Variants in KHDRBS3 observed in about 807,000 individuals in gnomAD.
KHDRBS3 encodes the protein KH domain-containing, RNA-binding, signal transduction-associated protein 3.
KHDRBS3 carries 23 observed loss-of-function variants against 45.6 expected under a neutral mutation model. The observed-to-expected ratio is 0.50, with a 90% CI of 0.36 to 0.72. The LOEUF is 0.72. Among genes scored for constraint, KHDRBS3 ranks in the 30% least tolerant of loss-of-function variants. KHDRBS3 has a pLI of 0.00. For synonymous variants in KHDRBS3, 162 were observed against 156.5 expected, an observed-to-expected ratio of 1.04 and a Z score of -0.26; for missense variants, 352 against 424.8, an observed-to-expected ratio of 0.83 and a Z score of 1.51.
In KHDRBS3 at chr8:135,538,075, CT is replaced by C. The variant is rs570361214; in HGVS notation, c.208-4576del. On this transcript the variant is annotated intron_variant, in intron 2 of 8. Transcript: ENST00000355849. ...ATCTCAGAAGTCAGGCAGAAAAAGG[CT>C]TTCCTTTCATGAGTGAAGTGATTGA... Among the ~76,000 whole-genome samples, 11 of 152,234 alleles carry C rather than the reference CT, an allele frequency of 7.2e-5. No homozygotes were observed. In the South Asian group the frequency reaches 1.9e-3, roughly 26 times the overall value.
At chr8:135,592,369 C>A (rs1828785578) in intron 6 of KHDRBS3, among the ~76,000 whole-genome samples, 1 of 152,078 alleles carries the variant, frequency 6.6e-6, no homozygotes, top group Non-Finnish European at 1.5e-5. Context: ...CATAATTAGG[C>A]TTGCCCGTCC....
At chr8:135,549,016 T>C in intron 4 of KHDRBS3, 116 bp downstream of exon 4, 3 of 605,678 alleles carry the variant, frequency 5.0e-6, no homozygotes, top group African/African-American at 1.9e-5. Context: ...TAAAGCTGTA[T>C]GGACATCACC....
chr8:135,650,916 A>C (rs2131218564), downstream of KHDRBS3, among the ~76,000 whole-genome samples: 1 of 152,262 alleles, frequency 6.6e-6, no homozygotes, highest in Non-Finnish European at 1.5e-5. Context: ...TTACTCAGAT[A>C]TATTTCCTGA....
At chr8:135,586,283 G>A (rs1323677168) in intron 6 of KHDRBS3, among the ~76,000 whole-genome samples, 2 of 151,656 alleles carry the variant, frequency 1.3e-5, no homozygotes, top group African/African-American at 4.9e-5. Context: ...CAAAGTTCAA[G>A]GCCTATGTTC....
chr8:135,653,407 C>T (rs1390523471), intron 4 of KHDRBS3, among the ~76,000 whole-genome samples: 1 of 152,200 alleles, frequency 6.6e-6, no homozygotes, highest in Non-Finnish European at 1.5e-5. Context: ...CTTTTCAGTA[C>T]AGACAGTCCC....
At chr8:135,545,201 G>T (rs1020757941) in intron 3 of KHDRBS3, among the ~76,000 whole-genome samples, 3 of 152,076 alleles carry the variant, frequency 2.0e-5, no homozygotes, top group East Asian at 3.9e-4. Context: ...TTTCCCCTGG[G>T]TTTAACATAG....
At chr8:135,523,545 A>G (rs938380784) in intron 2 of KHDRBS3, among the ~76,000 whole-genome samples, 1 of 152,052 alleles carries the variant, frequency 6.6e-6, no homozygotes, top group African/African-American at 2.4e-5. Flanking sequence ...TCATTATACC[A>G]TTTGCTTAAA....
intron 7 of KHDRBS3, among the ~76,000 whole-genome samples, chr8:135,626,317 C>G (rs188033283): frequency 6.6e-6 from 1 of 152,182 alleles, no homozygotes; most frequent in Non-Finnish European, 1.5e-5. Flanking sequence ...TTTAACTATT[C>G]TATGCCAGCT....
At chr8:135,579,276 A>G (rs573529054) in intron 5 of KHDRBS3, among the ~76,000 whole-genome samples, 9 of 152,150 alleles carry the variant, frequency 5.9e-5, no homozygotes, top group South Asian at 2.1e-4. Flanking sequence ...CTTGTTCCCA[A>G]TCTTAAGGGG....
intron 3 of KHDRBS3, among the ~76,000 whole-genome samples, chr8:135,546,541 C>G (rs1384119296): frequency 6.6e-6 from 1 of 152,116 alleles, no homozygotes; most frequent in Non-Finnish European, 1.5e-5. Context: ...ATCATTTATA[C>G]TATACAATAA....
chr8:135,474,618 A>G (rs939853021), intron 1 of KHDRBS3, among the ~76,000 whole-genome samples: 1 of 152,258 alleles, frequency 6.6e-6, no homozygotes, highest in African/African-American at 2.4e-5. Context: ...TTAGTTTAAT[A>G]AGAAGTTGTA....
rs73371501 is a variant in KHDRBS3, at chr8:135,514,793, C to A, written c.89-6444C>A. On this transcript the variant is annotated intron_variant, in intron 1 of 8. Coordinates refer to ENST00000355849, the MANE Select transcript of KHDRBS3 (RefSeq NM_006558.3). ...TGTGCTATTAGCTCTCTAACCTTTG[C>A]AAACTTCTTAACCATTTCAGTCCTC... Among the ~76,000 whole-genome samples the A allele has an allele frequency of 6.5e-3, 985 of 152,172 alleles. 8 individuals are homozygous for A. The highest frequency in any genetic ancestry group is 0.023 in the African/African-American group (944 of 41,516).
At chr8:135,655,449 G>A (rs1190620040) in intron 4 of KHDRBS3, among the ~76,000 whole-genome samples, 1 of 152,240 alleles carries the variant, frequency 6.6e-6, no homozygotes. Flanking sequence ...GCTAATACAG[G>A]TGGGAGAGGA....
intron 3 of KHDRBS3, among the ~76,000 whole-genome samples, chr8:135,545,978 A>C (rs2130786794): frequency 6.6e-6 from 1 of 152,164 alleles, no homozygotes; most frequent in South Asian, 2.1e-4. Context: ...TCTATACTAA[A>C]AATATAAAAA....
At chr8:135,561,178 T>C (rs1827149598) in intron 5 of KHDRBS3, among the ~76,000 whole-genome samples, 1 of 152,220 alleles carries the variant, frequency 6.6e-6, no homozygotes, top group South Asian at 2.1e-4. Flanking sequence ...CTTCTATATC[T>C]TTGCTCACTT....
intron 1 of KHDRBS3, among the ~76,000 whole-genome samples, chr8:135,472,090 A>C (rs191084522): frequency 8.0e-4 from 122 of 152,298 alleles, no homozygotes; most frequent in Non-Finnish European, 1.4e-3. Flanking sequence ...TTCAGAATGC[A>C]AGTGAAAGAA....
At chr8:135,592,793 A>G (rs1204503172) in intron 6 of KHDRBS3, among the ~76,000 whole-genome samples, 2 of 152,158 alleles carry the variant, frequency 1.3e-5, no homozygotes, top group Non-Finnish European at 2.9e-5. Context: ...GGAACAGTAA[A>G]TTTTTGCAGA....
chr8:135,605,210 A>G (rs1829403579), intron 6 of KHDRBS3, among the ~76,000 whole-genome samples: 1 of 152,050 alleles, frequency 6.6e-6, no homozygotes, highest in Admixed American at 6.5e-5. Context: ...ATCGTTTCTC[A>G]AAATAATCTC....
intron 6 of KHDRBS3, among the ~76,000 whole-genome samples, chr8:135,605,884 C>T (rs1829437298): frequency 6.6e-6 from 1 of 151,900 alleles, no homozygotes; most frequent in Admixed American, 6.6e-5. Flanking sequence ...TAGGGACATA[C>T]TTTTGTGAGT....
Sources: allele counts gnomAD v4.1 joint callset (sites outside exome capture counted in the v4.1 genomes callset), GRCh38; gene constraint gnomAD v4.1.1; transcripts MANE v1.5; gene names NCBI Gene and HGNC (gene_info 2026-07-23, HGNC 2026-07-21).